Variants in ILRUN observed in about 807,000 individuals in gnomAD.
The protein encoded by ILRUN is inflammation and lipid regulator with UBA-like and NBR1-like domains.
ILRUN carries 3 observed loss-of-function variants against 33.8 expected under a neutral mutation model. The observed-to-expected ratio is 0.09, with a 90% CI of 0.04 to 0.23. The LOEUF (loss-of-function observed/expected upper bound fraction) is 0.23. Ranked by LOEUF, ILRUN falls within the 10% of genes least tolerant of loss-of-function variation. The pLI is 1.00. For missense variants in ILRUN, 210 were observed against 375.1 expected (o/e 0.56, Z 3.64); for synonymous variants, 124 against 138.9 (o/e 0.89, Z 0.75).
chr6:34,668,936 C>G (rs1763057617), intron 1 of ILRUN, among the ~76,000 whole-genome samples: 1 of 151,626 alleles, frequency 6.6e-6, no homozygotes, highest in Admixed American at 6.6e-5. Context: ...CTCCGCCTCC[C>G]AAGTTCAAGT....
intron 4 of ILRUN, among the ~76,000 whole-genome samples, chr6:34,600,755 C>T (rs1300025268): frequency 6.6e-6 from 1 of 152,150 alleles, no homozygotes; most frequent in Non-Finnish European, 1.5e-5. Flanking sequence ...AGAAAAGTCA[C>T]ATAATATTTG....
At position 34,657,295 on chromosome 6, in the gene ILRUN, T is replaced by C. The variant is rs913434265; in HGVS notation, c.159-2516A>G. On this transcript the variant is annotated intron_variant, in intron 1 of 4. Coordinates refer to ENST00000374023, the MANE Select transcript of ILRUN (RefSeq NM_024294.4). ...GAAACTATTTGTGCACTCAGGACAA[T>C]TGCCAATTCTCATCCCCAGCTTGTG... 2.1e-4 allele frequency among the ~76,000 whole-genome samples: 32 copies of C among 152,178 alleles called. 1 individual carries two copies. Among genetic ancestry groups the C allele is most frequent in the African/African-American group, 4.1e-4 (17 of 41,444 alleles).
chr6:34,613,655 A>G (rs1761806368), intron 3 of ILRUN, among the ~76,000 whole-genome samples: 1 of 152,226 alleles, frequency 6.6e-6, no homozygotes, highest in Admixed American at 6.5e-5. Flanking sequence ...AAGGCATTCT[A>G]AAAATGAATG....
rs972456504 is a variant in ILRUN at position 34,588,658 on chromosome 6, A to G, written c.*1907T>C. Reference sequence around the variant, plus strand: ...GTGGAGCACTCCCATGTGCACAGAAAATAGGTGCTCCAGAGTAAGCTCTAG... The same window carrying G: ...GTGGAGCACTCCCATGTGCACAGAAGATAGGTGCTCCAGAGTAAGCTCTAG... On this transcript the variant is annotated 3_prime_UTR_variant, in exon 5 of 5. Coordinates refer to ENST00000374023, the MANE Select transcript of ILRUN (RefSeq NM_024294.4). 5 of 157,258 alleles carry G rather than the reference A, an allele frequency of 3.2e-5. No individual in the cohort carries two copies. Among genetic ancestry groups the G allele is most frequent in the Non-Finnish European group, 5.6e-5 (4 of 71,442 alleles). The allele number at this position is 157,258 out of a possible 1,614,324, so 9.7% of individuals were successfully genotyped here. A position where few individuals can be genotyped will look rare whatever the true frequency, so the allele number is the denominator to read the frequency against.
chr6:34,637,928 C>T (rs1369709769), intron 3 of ILRUN, among the ~76,000 whole-genome samples: 1 of 150,978 alleles, frequency 6.6e-6, no homozygotes, highest in African/African-American at 2.4e-5. Context: ...ACTCTGTCAC[C>T]CAGGTTGGAG....
In ILRUN at chr6:34,609,568, T is replaced by A. The variant is rs796680630; in HGVS notation, c.512-2664A>T. Among the ~76,000 whole-genome samples the A allele has an allele frequency of 2.0e-5, 3 of 151,542 alleles. No individual in the cohort carries two copies. The South Asian group carries it at 6.2e-4, about 32-fold the overall frequency. ...GAGGTTTGGAAGCTGTATTAAGAAC[T>A]GGTTGTATCCAAACAGCCAGCCTGG... On this transcript the variant is annotated intron_variant, in intron 3 of 4. Coordinates refer to ENST00000374023, the MANE Select transcript of ILRUN (RefSeq NM_024294.4).
intron 3 of ILRUN, among the ~76,000 whole-genome samples, chr6:34,619,812 C>T (rs1761975566): frequency 6.6e-6 from 1 of 151,890 alleles, no homozygotes; most frequent in Non-Finnish European, 1.5e-5. Flanking sequence ...TGGTGAAACC[C>T]CGTCTCTACT....
At chr6:34,682,407 G>A (rs572027296) in intron 1 of ILRUN, among the ~76,000 whole-genome samples, 6 of 151,786 alleles carry the variant, frequency 4.0e-5, no homozygotes, top group African/African-American at 1.2e-4. Context: ...ACAGGCGCCC[G>A]CCACCAGGCC....
chr6:34,693,022 G>C (rs1763678510), intron 1 of ILRUN, among the ~76,000 whole-genome samples: 1 of 152,144 alleles, frequency 6.6e-6, no homozygotes, highest in Non-Finnish European at 1.5e-5. Flanking sequence ...AGGCTGTAGT[G>C]AGCCACAGCT....
intron 1 of ILRUN, among the ~76,000 whole-genome samples, chr6:34,656,227 C>T (rs1365826813): frequency 7.2e-6 from 1 of 138,014 alleles, no homozygotes; most frequent in Admixed American, 7.5e-5. Context: ...CAGTGCCAGA[C>T]TCCGTCTCAA....
rs1761259270 is a variant in ILRUN, at chr6:34,589,640, A to G, written c.*925T>C. The stretch of plus-strand genomic sequence containing the variant: ...TGTGGTGCATACATATAACCAGCAC[A>G]GAGGCACTGTTCCCAGAGCAAATGG... On this transcript the variant is annotated 3_prime_UTR_variant, in exon 5 of 5. Transcript: ENST00000374023. The G allele has an allele frequency of 6.6e-6, 1 of 152,280 alleles. No individual in the cohort carries two copies. Among genetic ancestry groups the G allele is most frequent in the African/African-American group, 2.4e-5 (1 of 41,474 alleles). 9.4% of individuals were successfully genotyped at this position (152,280 alleles called of 1,614,324 possible).
At chr6:34,665,637 C>G (rs1358934872) in intron 1 of ILRUN, among the ~76,000 whole-genome samples, 2 of 152,100 alleles carry the variant, frequency 1.3e-5, no homozygotes, top group Non-Finnish European at 2.9e-5. Context: ...TTACATTTCA[C>G]AGGCTGGTTT....
intron 1 of ILRUN, among the ~76,000 whole-genome samples, chr6:34,659,757 G>A (rs1237219681): frequency 6.6e-6 from 1 of 151,428 alleles, no homozygotes; most frequent in Non-Finnish European, 1.5e-5. Flanking sequence ...GAGTAGCTGG[G>A]ATTACAGGCA....
intron 4 of ILRUN, among the ~76,000 whole-genome samples, chr6:34,596,941 CCATTCATCCAACCCTTCAT>C (rs1169432319): frequency 6.6e-6 from 1 of 152,030 alleles, no homozygotes; most frequent in African/African-American, 2.4e-5. Context: ...CTCCCTTCAC[CCATTCATCCAACCCTTCAT>C]CATTCATCCC....
At chr6:34,616,450 C>T (rs755108817) in intron 3 of ILRUN, 6 of 618,646 alleles carry the variant, frequency 9.7e-6, no homozygotes, top group Non-Finnish European at 1.7e-5. Context: ...TGTCTAGCTT[C>T]AGTGAGAAAG....
At chr6:34,678,453 C>T (rs949243660) in intron 1 of ILRUN, among the ~76,000 whole-genome samples, 1 of 152,154 alleles carries the variant, frequency 6.6e-6, no homozygotes, top group East Asian at 1.9e-4. Context: ...CAAATGATTT[C>T]ATCACTCAGA....
intron 1 of ILRUN, among the ~76,000 whole-genome samples, chr6:34,688,309 T>G (rs1581560614): frequency 7.1e-6 from 1 of 140,264 alleles, no homozygotes; most frequent in Admixed American, 7.3e-5. Context: ...GAGACTGAGG[T>G]GGGAGGATGG....
At chr6:34,622,750 TATA>T (rs2127342111) in intron 3 of ILRUN, among the ~76,000 whole-genome samples, 1 of 152,328 alleles carries the variant, frequency 6.6e-6, no homozygotes, top group South Asian at 2.1e-4. Context: ...CCTCTAGGTA[TATA>T]AACTAAAGAT....
In ILRUN at chr6:34,623,559, C is replaced by CA. The variant is rs1226778654; in HGVS notation, c.512-16656dup. ...ATCTGAGTGGGTAATAGCACTACCA[C>CA]AAAAAAACGTAATATAGCATGAAAC... On this transcript the variant is annotated intron_variant, in intron 3 of 4. Transcript: ENST00000374023. Among the ~76,000 whole-genome samples, 4 of 151,994 alleles carry CA rather than the reference C, an allele frequency of 2.6e-5. No individual in the cohort carries two copies. The East Asian group carries it at 5.8e-4, about 22-fold the overall frequency.
Sources: allele counts gnomAD v4.1 joint callset (sites outside exome capture counted in the v4.1 genomes callset), GRCh38; gene constraint gnomAD v4.1.1; transcripts MANE v1.5; gene names NCBI Gene and HGNC (gene_info 2026-07-23, HGNC 2026-07-21).